The following WDFY1 variants were observed in gnomAD, a reference collection of about 807,000 sequenced individuals.
WDFY1 encodes WD repeat and FYVE domain-containing protein 1.
A neutral mutation model predicts 56.4 loss-of-function variants in WDFY1; 32 were observed. The observed-to-expected ratio is 0.57, with a 90% CI of 0.43 to 0.76. WDFY1 has a LOEUF of 0.76. Among genes scored for constraint, WDFY1 ranks in the 30% least tolerant of loss-of-function variants. WDFY1 has a pLI of 0.00. For synonymous variants in WDFY1, 192 were observed against 197.3 expected (o/e 0.97, Z 0.23); for missense variants, 480 against 545.7 (o/e 0.88, Z 1.20).
chr2:223,901,708 A>T (rs1388754575), intron 4 of WDFY1, among the ~76,000 whole-genome samples: 1 of 152,192 alleles, frequency 6.6e-6, no homozygotes, highest in Non-Finnish European at 1.5e-5. Flanking sequence ...CCATGTGGAA[A>T]GCAGCAGTTG....
chr2:223,901,265 C>T lies in WDFY1; in HGVS notation c.403G>A (p.Asp135Asn). The change falls in exon 5 of 12, where the codon GAC becomes AAC. Residue 135 changes from aspartate (D) to asparagine (N), a missense_variant. Physicochemically the swap from Asp to Asn is conservative, Grantham distance 23 (BLOSUM62 1). Coordinates refer to ENST00000233055, the MANE Select transcript of WDFY1 (RefSeq NM_020830.5). The stretch of plus-strand genomic sequence containing the variant: ...GTGCACATCCAGCTCACACACTTGT[C>T]GTGGCCGGTACTGATCACCCACTCT... ...ATEWVISTGH[D>N]KCVSWMCTRS... The T allele has an allele frequency of 1.2e-6, 2 of 1,614,104 alleles. No homozygotes were observed. Among genetic ancestry groups the T allele is most frequent in the Non-Finnish European group, 1.7e-6 (2 of 1,180,018 alleles).
At chr2:223,921,438 T>C (rs1379786217) in intron 1 of WDFY1, among the ~76,000 whole-genome samples, 1 of 152,122 alleles carries the variant, frequency 6.6e-6, no homozygotes, top group Admixed American at 6.5e-5. Flanking sequence ...ACTCACTTTC[T>C]TCTACAAATA....
In WDFY1 at chr2:223,918,087, T is replaced by A; in HGVS notation, c.138-77A>T. On this transcript the variant is annotated intron_variant, in intron 1 of 11. Coordinates refer to ENST00000233055, the MANE Select transcript of WDFY1 (RefSeq NM_020830.5). ...TTGTGTTCCATGAGAACTTAATTTT[T>A]AAAATTTGTTTAACACTATTTCCTA... is the stretch of plus-strand genomic sequence containing the variant. 4.0e-6 allele frequency: 6 copies of A among 1,502,006 alleles called. No individual in the cohort carries two copies. The South Asian group carries it at 6.1e-5, about 15-fold the overall frequency. The allele number at this position is 1,502,006 out of a possible 1,614,324, so 93.0% of individuals were successfully genotyped here. A position where few individuals can be genotyped will look rare whatever the true frequency, so the allele number is the denominator to read the frequency against.
chr2:223,936,919 C>G (rs2106104178), intron 1 of WDFY1, among the ~76,000 whole-genome samples: 1 of 152,344 alleles, frequency 6.6e-6, no homozygotes, highest in South Asian at 2.1e-4. Flanking sequence ...TGTGACTCCA[C>G]AGGAAGAGGA....
At chr2:223,915,091 T>C (rs1264612394) in intron 2 of WDFY1, among the ~76,000 whole-genome samples, 1 of 152,224 alleles carries the variant, frequency 6.6e-6, no homozygotes, top group Non-Finnish European at 1.5e-5. Flanking sequence ...TAAAAAGTCA[T>C]TCTAAAACAG....
intron 4 of WDFY1, among the ~76,000 whole-genome samples, chr2:223,901,628 ATTT>A (rs149356094): frequency 6.9e-6 from 1 of 144,332 alleles, no homozygotes; most frequent in Non-Finnish European, 1.5e-5. Flanking sequence ...TAGAGAACAG[ATTT>A]TTTTTTTTTT....
rs780426893 is a variant in WDFY1, at chr2:223,901,191, C to G, written c.477G>C (p.Ser159=). 1.2e-6 allele frequency: 2 copies of G among 1,613,304 alleles called. No homozygotes were observed. Among genetic ancestry groups the G allele is most frequent in the Non-Finnish European group, 1.7e-6 (2 of 1,179,676 alleles). Residue 159 remains serine (S), a synonymous_variant, in exon 5 of 12, where the codon TCG becomes TCC. Transcript: ENST00000233055. ...LGRHFFTSWA[S]CLQYDFDTQY... ...GTGGCTCTGAAGGATACTGCAGACA[C>G]GAAGCCCAGGACGTGAAGAAGTGCC... is the stretch of plus-strand genomic sequence containing the variant.
rs566339503 is a variant in WDFY1 at position 223,940,091 on chromosome 2, C to T, written c.137+5057G>A. ...ATCCCAGTACTTTGGGAGGCCGAGG[C>T]GGGTGGATCACGAGGTTTGGAGTTC... On this transcript the variant is annotated intron_variant, in intron 1 of 11. Transcript: ENST00000233055. Among the ~76,000 whole-genome samples the T allele has an allele frequency of 8.5e-5, 13 of 152,258 alleles. No individual in the cohort carries two copies. In the East Asian group the frequency reaches 2.5e-3, roughly 29 times the overall value.
rs758452943 is a variant in WDFY1 at position 223,899,067 on chromosome 2, A to G, written c.489T>C (p.Tyr163=). 16 of 1,613,430 alleles carry G rather than the reference A, an allele frequency of 9.9e-6. No homozygotes were observed. The highest frequency in any genetic ancestry group is 1.6e-4 in the Middle Eastern group (1 of 6,084). ...FFTSWASCLQ[Y]DFDTQYAFVG... is the part of the protein sequence containing the mutation. Reference sequence around the variant, plus strand: ...CGAAAGCATACTGAGTGTCAAAGTCATATCTGAGGAGAAGCAGTCAAGGAT... The same window carrying G: ...CGAAAGCATACTGAGTGTCAAAGTCGTATCTGAGGAGAAGCAGTCAAGGAT... The change falls in exon 6 of 12, where the codon TAT becomes TAC. Residue 163 remains tyrosine (Y), a synonymous_variant. Transcript: ENST00000233055.
At chr2:223,940,013 C>T (rs138806084) in intron 1 of WDFY1, among the ~76,000 whole-genome samples, 1,594 of 152,314 alleles carry the variant, frequency 0.01, 19 homozygotes, top group African/African-American at 0.035. Flanking sequence ...AAAATGAATT[C>T]ACTTCAGCTG....
At position 223,945,206 on chromosome 2, in the gene WDFY1, C is replaced by G. The variant is rs1194633101; in HGVS notation, c.79G>C (p.Val27Leu). 1 of 1,599,200 alleles carries G rather than the reference C, an allele frequency of 6.3e-7. No homozygotes were observed. Among genetic ancestry groups the G allele is most frequent in the South Asian group, 1.1e-5 (1 of 90,154 alleles). ...LSKIEGHQDA[V>L]TAALLIPKED... ...TTGGGGATGAGCAGCGCGGCCGTGA[C>G]GGCGTCCTGGTGCCCCTCGATCTTG... Residue 27 changes from valine to leucine, a missense_variant, in exon 1 of 12, where the codon GTC (valine) becomes CTC (leucine). Transcript: ENST00000233055.
intron 2 of WDFY1, among the ~76,000 whole-genome samples, 167 bp from the exon 3 acceptor site, chr2:223,912,493 T>C (rs1051084088): frequency 2.0e-5 from 3 of 152,254 alleles, no homozygotes; most frequent in Admixed American, 6.5e-5. Context: ...TAAAGTTCTC[T>C]CTGTTGTCTT....
chr2:223,910,630 C>T lies in WDFY1; in HGVS notation c.279+1623G>A, dbSNP rs1693681726. ...TTTCTCCAAAGAAGATATAAATGAC[C>T]AACAAGTACCTAAGAAGATCCTCAA... On this transcript the variant is annotated intron_variant, in intron 3 of 11. Transcript: ENST00000233055. 1.3e-5 allele frequency among the ~76,000 whole-genome samples: 2 copies of T among 151,828 alleles called. 1 individual carries two copies. Among genetic ancestry groups the T allele is most frequent in the South Asian group, 4.2e-4 (2 of 4,808 alleles).
chr2:223,898,995 G>A lies in WDFY1; in HGVS notation c.561C>T (p.Asn187=). 1 of 1,614,108 alleles carries A rather than the reference G, an allele frequency of 6.2e-7. No individual in the cohort carries two copies. Among genetic ancestry groups the A allele is most frequent in the South Asian group, 1.1e-5 (1 of 91,076 alleles). Residue 187 remains asparagine, a synonymous_variant, in exon 6 of 12, where the codon AAC becomes AAT. Transcript: ENST00000233055. ...TGAGGGTTGTGATGACTGAACACGT[G>A]TTCTGTTCAAGCTTCAGCAGGGTGA... The part of the protein sequence containing the change: ...GQITLLKLEQ[N]TCSVITTLKG...
chr2:223,918,842 T>G (rs1158213191), intron 1 of WDFY1, among the ~76,000 whole-genome samples: 1 of 152,088 alleles, frequency 6.6e-6, no homozygotes, highest in Non-Finnish European at 1.5e-5. Context: ...CACAGCAGGC[T>G]CGGGCTTGGG....
At chr2:223,933,751 G>A (rs1158017226) in intron 1 of WDFY1, among the ~76,000 whole-genome samples, 1 of 151,648 alleles carries the variant, frequency 6.6e-6, no homozygotes, top group Admixed American at 6.6e-5. Flanking sequence ...GAGCCCACGA[G>A]TTCAAGACCA....
At chr2:223,916,824 T>C (rs1475280499) in intron 2 of WDFY1, among the ~76,000 whole-genome samples, 1 of 151,728 alleles carries the variant, frequency 6.6e-6, no homozygotes, top group African/African-American at 2.4e-5. Flanking sequence ...GCTTTTTTTT[T>C]TTTTTTTGAT....
chr2:223,891,104 G>T (rs669749), intron 8 of WDFY1, among the ~76,000 whole-genome samples: 1 of 151,790 alleles, frequency 6.6e-6, no homozygotes, highest in African/African-American at 2.4e-5. Context: ...GGCCAGGCAC[G>T]GTGGCTCATG....
intron 1 of WDFY1, among the ~76,000 whole-genome samples, chr2:223,939,433 T>A (rs1449758798): frequency 2.0e-5 from 3 of 152,204 alleles, no homozygotes; most frequent in Non-Finnish European, 4.4e-5. Context: ...TAGATGCCAG[T>A]ATTAGTTACA....
Sources: gnomAD v4.1 joint callset for allele counts (sites outside exome capture counted in the v4.1 genomes callset) on GRCh38, gnomAD v4.1.1 for gene constraint, MANE v1.5 for transcripts, NCBI Gene and HGNC (gene_info 2026-07-23, HGNC 2026-07-21) for gene names.